The following RXFP1 variants were observed in gnomAD, a reference collection of about 807,000 sequenced individuals.
RXFP1 encodes relaxin family peptide receptor 1, also known as relaxin receptor 1.
In RXFP1, 73 loss-of-function variants were observed where a neutral mutation model predicts 89.8. The observed-to-expected ratio is 0.81, with a 90% confidence interval of 0.67 to 0.99. The LOEUF (loss-of-function observed/expected upper bound fraction) is 0.99. Ranked by LOEUF, RXFP1 falls within the 50% of genes least tolerant of loss-of-function variation. The probability of loss-of-function intolerance (pLI) is 0.00; values close to 1 mark genes in which losing one functional copy is unlikely to be tolerated. For synonymous variants in RXFP1, 277 were observed against 305.5 expected (o/e 0.91, Z 0.97); for missense variants, 793 against 895.5 (o/e 0.89, Z 1.46).
At chr4:158,529,194 A>G (rs1743352188) in intron 1 of RXFP1, among the ~76,000 whole-genome samples, 1 of 151,948 alleles carries the variant, frequency 6.6e-6, no homozygotes, top group Admixed American at 6.6e-5. Flanking sequence ...CACACTGGTC[A>G]TAAACTCTGC....
intron 1 of RXFP1, among the ~76,000 whole-genome samples, chr4:158,550,767 T>C (rs1406534209): frequency 6.6e-6 from 1 of 152,246 alleles, no homozygotes; most frequent in Non-Finnish European, 1.5e-5. Flanking sequence ...ACACGTGTTC[T>C]GGAATCAGAC....
chr4:158,529,084 T>C (rs1743316848), intron 1 of RXFP1, among the ~76,000 whole-genome samples: 2 of 152,134 alleles, frequency 1.3e-5, no homozygotes, highest in African/African-American at 4.8e-5. Flanking sequence ...CTCACCTTTG[T>C]GGGGATTGAA....
At chr4:158,574,572 G>A (rs927959826) in intron 2 of RXFP1, among the ~76,000 whole-genome samples, 4 of 152,188 alleles carry the variant, frequency 2.6e-5, no homozygotes, top group Admixed American at 6.5e-5. Flanking sequence ...TGGAAACCCC[G>A]TTGTAATAAC....
intron 1 of RXFP1, among the ~76,000 whole-genome samples, chr4:158,534,795 C>CT (rs1744899855): frequency 6.6e-6 from 1 of 151,032 alleles, no homozygotes; most frequent in African/African-American, 2.4e-5. Flanking sequence ...ATTCCCAAGC[C>CT]TGAGTTTTTT....
At chr4:158,627,768 C>T (rs1767197431) in intron 10 of RXFP1, among the ~76,000 whole-genome samples, 1 of 152,008 alleles carries the variant, frequency 6.6e-6, no homozygotes, top group Non-Finnish European at 1.5e-5. Context: ...GTACAGGGTG[C>T]TTGATATAAA....
At chr4:158,615,725 C>G (rs1764431033) in intron 8 of RXFP1, among the ~76,000 whole-genome samples, 1 of 151,934 alleles carries the variant, frequency 6.6e-6, no homozygotes, top group South Asian at 2.1e-4. Flanking sequence ...GAGAGGATAG[C>G]TTGCAGCCAG....
intron 1 of RXFP1, among the ~76,000 whole-genome samples, chr4:158,546,868 T>A (rs1748574998): frequency 6.6e-6 from 1 of 152,218 alleles, no homozygotes; most frequent in South Asian, 2.1e-4. Context: ...TTATTGAGGA[T>A]TTTTGCATCA....
At chr4:158,618,747 C>G (rs1221344050) in intron 9 of RXFP1, among the ~76,000 whole-genome samples, 1 of 151,794 alleles carries the variant, frequency 6.6e-6, no homozygotes, top group East Asian at 1.9e-4. Flanking sequence ...GATGACAGCC[C>G]AGGAAATTAT....
chr4:158,626,478 T>A (rs1324211546), intron 9 of RXFP1, among the ~76,000 whole-genome samples: 1 of 152,126 alleles, frequency 6.6e-6, no homozygotes, highest in Non-Finnish European at 1.5e-5. Context: ...AAATGTTTCA[T>A]ATGGTTCATT....
At chr4:158,578,155 G>T (rs1384100244) in intron 2 of RXFP1, among the ~76,000 whole-genome samples, 1 of 152,014 alleles carries the variant, frequency 6.6e-6, no homozygotes, top group Non-Finnish European at 1.5e-5. Context: ...ATCCTTACTG[G>T]TGAACTTCAG....
chr4:158,552,643 G>T (rs998266002), intron 1 of RXFP1, among the ~76,000 whole-genome samples: 2 of 152,164 alleles, frequency 1.3e-5, no homozygotes, highest in Non-Finnish European at 2.9e-5. Context: ...ATAGAAATGG[G>T]AATTAGAATA....
intron 2 of RXFP1, among the ~76,000 whole-genome samples, chr4:158,578,215 C>T (rs1756640413): frequency 6.6e-6 from 1 of 152,108 alleles, no homozygotes. Flanking sequence ...ATATCATTCC[C>T]ATATAATTCC....
intron 1 of RXFP1, among the ~76,000 whole-genome samples, chr4:158,540,262 A>G (rs1051407103): frequency 6.6e-6 from 1 of 152,168 alleles, no homozygotes; most frequent in Non-Finnish European, 1.5e-5. Context: ...TCTTGATTCT[A>G]TGCTAGACAA....
chr4:158,579,668 G>A (rs192731724), intron 2 of RXFP1, among the ~76,000 whole-genome samples: 219 of 152,296 alleles, frequency 1.4e-3, no homozygotes, highest in African/African-American at 5.2e-3. Flanking sequence ...ATCTTCTGTG[G>A]GCCTAAAGAG....
chr4:158,542,273 G>A (rs557276451), intron 1 of RXFP1, among the ~76,000 whole-genome samples: 2 of 151,024 alleles, frequency 1.3e-5, no homozygotes, highest in South Asian at 2.1e-4. Flanking sequence ...CTCCAATCCA[G>A]GATCACACAT....
In RXFP1 at chr4:158,647,021, T is replaced by C; in HGVS notation, c.1576T>C (p.Cys526Arg). Residue 526 changes from cysteine (C) to arginine (R), a missense_variant, in exon 16 of 18, where the codon TGC becomes CGC. Transcript: ENST00000307765. ...TTTTAGATGTGTGAGACCTGGAAAA[T>C]GCAGAACAATTACAGTTCTGATTCT... ...YPFRCVRPGK[C>R]RTITVLILIW... The C allele has an allele frequency of 6.2e-6, 10 of 1,614,146 alleles. No individual in the cohort carries two copies. The highest frequency in any genetic ancestry group is 8.5e-6 in the Non-Finnish European group (10 of 1,180,006).
At chr4:158,599,724 G>T (rs571569442) in intron 4 of RXFP1, among the ~76,000 whole-genome samples, 2 of 151,970 alleles carry the variant, frequency 1.3e-5, no homozygotes, top group African/African-American at 4.8e-5. Context: ...AGAAAAAATG[G>T]CTTCTAATTA....
chr4:158,623,761 C>T (rs1213774708), intron 9 of RXFP1, among the ~76,000 whole-genome samples: 3 of 152,248 alleles, frequency 2.0e-5, no homozygotes, highest in East Asian at 3.9e-4. Context: ...CGAAGTATTA[C>T]AGTGTAGAAC....
At chr4:158,638,668 A>C (rs1301283969) in intron 13 of RXFP1, among the ~76,000 whole-genome samples, 1 of 152,068 alleles carries the variant, frequency 6.6e-6, no homozygotes, top group African/African-American at 2.4e-5. Flanking sequence ...TAAGCAAATT[A>C]GTTGAGTGTG....
Sources: gnomAD v4.1 joint callset for allele counts (sites outside exome capture counted in the v4.1 genomes callset) on GRCh38, gnomAD v4.1.1 for gene constraint, MANE v1.5 for transcripts, NCBI Gene and HGNC (gene_info 2026-07-23, HGNC 2026-07-21) for gene names.